The following CSMD1 variants were observed in gnomAD, a reference collection of about 807,000 sequenced individuals.
The protein encoded by CSMD1 is CUB and Sushi multiple domains 1.
CSMD1 carries 213 observed loss-of-function variants against 417.5 expected under a neutral mutation model. The ratio of observed to expected loss-of-function variants is 0.51; its 90% confidence interval spans 0.46 to 0.57. The LOEUF is 0.57. CSMD1 is among the 20% of genes least tolerant of loss of function. The pLI is 0.00. For missense variants in CSMD1, 6,923 were observed against 4,529.7 expected, an observed-to-expected ratio of 1.53 and a Z score of -15.17; for synonymous variants, 2,862 against 1,736.8, an observed-to-expected ratio of 1.65 and a Z score of -16.11.
At chr8:4,751,694 T>A (rs1171605300) in intron 1 of CSMD1, among the ~76,000 whole-genome samples, 1 of 152,148 alleles carries the variant, frequency 6.6e-6, no homozygotes, top group Non-Finnish European at 1.5e-5. Flanking sequence ...CTACCCTTTC[T>A]CTGAAACACA....
chr8:3,858,151 A>C (rs573914974), intron 5 of CSMD1, among the ~76,000 whole-genome samples: 1 of 152,198 alleles, frequency 6.6e-6, no homozygotes, highest in Non-Finnish European at 1.5e-5. Flanking sequence ...TAGAGGTAGA[A>C]ATGGAGGCTT....
chr8:4,337,522 C>T lies in CSMD1; in HGVS notation c.415+82431G>A, dbSNP rs1037102945. On this transcript the variant is annotated intron_variant, in intron 3 of 69. Coordinates refer to ENST00000635120, the MANE Select transcript of CSMD1 (RefSeq NM_033225.6). ...TTCTAAGGATAATTAATACTCAGAT[C>T]GTAACATTATTTTTAAAAATAAACT... is the stretch of plus-strand genomic sequence containing the variant. Among the ~76,000 whole-genome samples the T allele has an allele frequency of 3.9e-5, 6 of 152,150 alleles. No homozygotes were observed. In the South Asian group the frequency reaches 1.0e-3, roughly 26 times the overall value.
intron 6 of CSMD1, among the ~76,000 whole-genome samples, chr8:3,725,981 T>C (rs2623753): frequency 0.1 from 15,857 of 152,200 alleles, 867 homozygotes; most frequent in East Asian, 0.13. Context: ...AGTAATTGTG[T>C]GTGACTACGG....
At chr8:4,754,677 C>T (rs1229293602) in intron 1 of CSMD1, among the ~76,000 whole-genome samples, 4 of 151,984 alleles carry the variant, frequency 2.6e-5, no homozygotes, top group East Asian at 3.9e-4. Flanking sequence ...TGGTGAAACC[C>T]TGTCTACTAA....
At chr8:4,260,932 C>A (rs1803836458) in intron 3 of CSMD1, among the ~76,000 whole-genome samples, 1 of 152,050 alleles carries the variant, frequency 6.6e-6, no homozygotes, top group African/African-American at 2.4e-5. Flanking sequence ...TAGTATTTAC[C>A]TGGTGTATTT....
intron 7 of CSMD1, among the ~76,000 whole-genome samples, chr8:3,662,330 G>T (rs1312510909): frequency 6.6e-6 from 1 of 152,058 alleles, no homozygotes; most frequent in African/African-American, 2.4e-5. Flanking sequence ...CAGTTAAATG[G>T]TTTCTTAAAA....
intron 5 of CSMD1, among the ~76,000 whole-genome samples, chr8:3,754,508 G>A (rs543174799): frequency 3.4e-4 from 51 of 152,024 alleles, no homozygotes; most frequent in South Asian, 6.2e-4. Flanking sequence ...AGGCTGGAGG[G>A]CAGTGGTGCG....
At chr8:3,522,933 A>G (rs1797567756) in intron 10 of CSMD1, among the ~76,000 whole-genome samples, 1 of 150,622 alleles carries the variant, frequency 6.6e-6, no homozygotes, top group Non-Finnish European at 1.5e-5. Flanking sequence ...CAATATATTT[A>G]TATATTGACA....
chr8:4,415,825 A>G (rs990127200), intron 3 of CSMD1, among the ~76,000 whole-genome samples: 6 of 152,216 alleles, frequency 3.9e-5, no homozygotes, highest in Non-Finnish European at 7.3e-5. Flanking sequence ...TTGAGTATGT[A>G]TTTGTGTATG....
intron 2 of CSMD1, among the ~76,000 whole-genome samples, chr8:4,435,863 G>C (rs1798120273): frequency 6.6e-6 from 1 of 152,150 alleles, no homozygotes; most frequent in African/African-American, 2.4e-5. Flanking sequence ...CCAAGTATTA[G>C]GACTGTGTGA....
At chr8:3,885,212 C>G (rs747675598) in intron 5 of CSMD1, among the ~76,000 whole-genome samples, 2 of 152,000 alleles carry the variant, frequency 1.3e-5, no homozygotes, top group Admixed American at 6.6e-5. Context: ...TGGAAGATCC[C>G]TTATGGGAGA....
At chr8:3,741,979 G>GTTTT (rs60936991) in intron 6 of CSMD1, among the ~76,000 whole-genome samples, 12,625 of 146,068 alleles carry the variant, frequency 0.086, 1,063 homozygotes, top group African/African-American at 0.22. Flanking sequence ...AAGAATCTTG[G>GTTTT]TTTTTTTTTT....
chr8:3,162,294 A>G lies in CSMD1; in HGVS notation c.5726-17T>C. The G allele has an allele frequency of 6.9e-7, 1 of 1,456,832 alleles. No homozygotes were observed. Among genetic ancestry groups the G allele is most frequent in the East Asian group, 2.3e-5 (1 of 42,952 alleles). 90.2% of individuals were successfully genotyped at this position (1,456,832 alleles called of 1,614,324 possible). A position where few individuals can be genotyped will look rare whatever the true frequency, so the allele number is the denominator to read the frequency against. On this transcript the variant is annotated splice_polypyrimidine_tract_variant and intron_variant, in intron 37 of 69. Transcript: ENST00000635120. ...GACCTACAGCTAGAAATGCAAAGACAAATGCTAGAAATTATATGATGTAAA... is the reference window on the plus strand; with the variant it reads ...GACCTACAGCTAGAAATGCAAAGACGAATGCTAGAAATTATATGATGTAAA...
chr8:4,017,376 G>A (rs1458184774), intron 4 of CSMD1, among the ~76,000 whole-genome samples: 1 of 152,114 alleles, frequency 6.6e-6, no homozygotes, highest in Non-Finnish European at 1.5e-5. Flanking sequence ...TGCGATCTTG[G>A]CTCACTACAA....
intron 50 of CSMD1, among the ~76,000 whole-genome samples, chr8:3,039,229 A>G (rs1191076274): frequency 7.1e-6 from 1 of 139,986 alleles, no homozygotes; most frequent in African/African-American, 3.2e-5. Context: ...TAGCCTTCTC[A>G]GCCCGCAAAA....
chr8:3,139,025 C>T (rs182301115), intron 41 of CSMD1, among the ~76,000 whole-genome samples: 48 of 152,274 alleles, frequency 3.2e-4, no homozygotes, highest in African/African-American at 1.1e-3. Context: ...AGGGAGGCAG[C>T]CGCAGATTCC....
chr8:4,745,215 G>C (rs1463201316), intron 1 of CSMD1, among the ~76,000 whole-genome samples: 1 of 152,106 alleles, frequency 6.6e-6, no homozygotes, highest in Non-Finnish European at 1.5e-5. Context: ...CAAAGTTATA[G>C]CTATCCAGTT....
At chr8:3,912,992 G>A (rs973689826) in intron 5 of CSMD1, among the ~76,000 whole-genome samples, 2 of 152,148 alleles carry the variant, frequency 1.3e-5, no homozygotes, top group African/African-American at 4.8e-5. Flanking sequence ...ACACAGGAAA[G>A]CCTACGCACT....
intron 2 of CSMD1, among the ~76,000 whole-genome samples, chr8:4,458,596 A>G (rs1038563615): frequency 2.6e-5 from 4 of 152,220 alleles, no homozygotes; most frequent in African/African-American, 9.6e-5. Flanking sequence ...CAAGGAAAAA[A>G]AAGAAAAATC....
Sources: allele counts gnomAD v4.1 joint callset (sites outside exome capture counted in the v4.1 genomes callset), GRCh38; gene constraint gnomAD v4.1.1; transcripts MANE v1.5; gene names NCBI Gene and HGNC (gene_info 2026-07-23, HGNC 2026-07-21).